GNAI1: variants seen among roughly 807,000 people sequenced by gnomAD.
GNAI1 encodes the protein guanine nucleotide-binding protein G(i) subunit alpha-1.
Under a neutral mutation model 38.9 loss-of-function variants are expected in GNAI1, and 11 were observed. The ratio of observed to expected loss-of-function variants is 0.28; its 90% CI spans 0.18 to 0.47. The LOEUF is 0.47. GNAI1 is among the 20% of genes least tolerant of loss of function. GNAI1 has a pLI of 0.99. For missense variants in GNAI1, 317 were observed against 436.9 expected (o/e 0.73, Z 2.45); for synonymous variants, 166 against 145.1 (o/e 1.14, Z -1.04).
chr7:80,164,400 T>C (rs1787979153), intron 1 of GNAI1, among the ~76,000 whole-genome samples: 1 of 149,312 alleles, frequency 6.7e-6, no homozygotes, highest in African/African-American at 2.5e-5. Flanking sequence ...TCTTGCTCTG[T>C]CGCCCAGGCT....
At chr7:80,158,593 T>C (rs1481428659) in intron 1 of GNAI1, among the ~76,000 whole-genome samples, 4 of 152,178 alleles carry the variant, frequency 2.6e-5, no homozygotes, top group Non-Finnish European at 5.9e-5. Context: ...GTGAAGGATG[T>C]GTTTGCCTCT....
intron 1 of GNAI1, among the ~76,000 whole-genome samples, chr7:80,178,163 G>A (rs911382704): frequency 6.6e-6 from 1 of 152,186 alleles, no homozygotes; most frequent in Non-Finnish European, 1.5e-5. Flanking sequence ...AGATGTGAAT[G>A]CAATATCATG....
At position 80,213,280 on chromosome 7, in the gene GNAI1, A is replaced by G. The variant is rs921886928; in HGVS notation, c.874+411A>G. 2.0e-5 allele frequency among the ~76,000 whole-genome samples: 3 copies of G among 152,312 alleles called. No homozygotes were observed. The East Asian group carries it at 5.8e-4, about 29-fold the overall frequency. ...TGCTAAAATAAGGAACATGAACATTATAGTAAGGGGAAATGAAGACAGGAT... is the reference window on the plus strand; with the variant it reads ...TGCTAAAATAAGGAACATGAACATTGTAGTAAGGGGAAATGAAGACAGGAT... On this transcript the variant is annotated intron_variant, in intron 7 of 7. Transcript: ENST00000649796.
chr7:80,195,739 C>A lies in GNAI1; in HGVS notation c.304-3486C>A, dbSNP rs758320470. Reference sequence around the variant, plus strand: ...ATCTTTTTAAATTTAAACTCTTAATCTCATACATAAATTCTATCTGCTGTA... The same window carrying A: ...ATCTTTTTAAATTTAAACTCTTAATATCATACATAAATTCTATCTGCTGTA... On this transcript the variant is annotated intron_variant, in intron 3 of 7. Transcript: ENST00000649796. 2.8e-4 allele frequency among the ~76,000 whole-genome samples: 42 copies of A among 152,124 alleles called. 1 individual carries two copies. Among genetic ancestry groups the A allele is most frequent in the Middle Eastern group, 3.4e-3 (1 of 294 alleles).
intron 1 of GNAI1, among the ~76,000 whole-genome samples, chr7:80,164,403 C>A (rs1236840058): frequency 2.0e-5 from 3 of 148,018 alleles, no homozygotes; most frequent in Non-Finnish European, 4.5e-5. Flanking sequence ...TGCTCTGTCG[C>A]CCAGGCTGGA....
Position 80,217,690 on chromosome 7 carries a change from C to T in GNAI1, c.*197C>T. ...TTCTTAAATGTGACAGATGGTCCTG[C>T]AGTGTGAAACTGAAGGACAGTGTTA... On this transcript the variant is annotated 3_prime_UTR_variant, in exon 8 of 8. Coordinates refer to ENST00000649796, the MANE Select transcript of GNAI1 (RefSeq NM_002069.6). 2.7e-6 allele frequency: 1 copy of T among 374,638 alleles called. No homozygotes were observed. Among genetic ancestry groups the T allele is most frequent in the Non-Finnish European group, 4.8e-6 (1 of 209,296 alleles). 23.2% of individuals were successfully genotyped at this position (374,638 alleles called of 1,614,324 possible).
At chr7:80,135,813 A>G (rs1787403792) in intron 1 of GNAI1, 2 of 985,014 alleles carry the variant, frequency 2.0e-6, no homozygotes, top group South Asian at 9.4e-5. Context: ...TTTCCTGTTA[A>G]CTTCCTATGG....
chr7:80,199,461 T>C (rs1467717273), intron 4 of GNAI1, 79 bp downstream of exon 4: 4 of 1,085,834 alleles, frequency 3.7e-6, no homozygotes, highest in Non-Finnish European at 5.3e-6. Context: ...TCAATTTTAC[T>C]GCAGAATTGG....
At chr7:80,212,487 A>G (rs1163430696) in intron 6 of GNAI1, among the ~76,000 whole-genome samples, 1 of 152,218 alleles carries the variant, frequency 6.6e-6, no homozygotes, top group Admixed American at 6.5e-5. Context: ...AGCATGACAT[A>G]TAGTGGGCAC....
intron 1 of GNAI1, among the ~76,000 whole-genome samples, chr7:80,157,822 T>G (rs1787845757): frequency 6.6e-6 from 1 of 152,140 alleles, no homozygotes; most frequent in African/African-American, 2.4e-5. Context: ...TTCTCCTGCC[T>G]CAGGCTCCCA....
chr7:80,185,438 T>A (rs959951226), intron 1 of GNAI1, among the ~76,000 whole-genome samples: 2 of 152,152 alleles, frequency 1.3e-5, no homozygotes, highest in Admixed American at 1.3e-4. Flanking sequence ...CCATCCAGTT[T>A]AAAGACCCTC....
intron 1 of GNAI1, among the ~76,000 whole-genome samples, chr7:80,171,324 C>G (rs1788094659): frequency 6.6e-6 from 1 of 152,098 alleles, no homozygotes. Context: ...CTTTAGGTCT[C>G]TGTGTGTCAA....
intron 1 of GNAI1, among the ~76,000 whole-genome samples, chr7:80,145,166 T>G (rs2116082781): frequency 6.6e-6 from 1 of 152,324 alleles, no homozygotes; most frequent in Non-Finnish European, 1.5e-5. Context: ...ACCCCTTAAG[T>G]AATTTTTAAT....
chr7:80,198,802 C>G (rs575939226), intron 3 of GNAI1, among the ~76,000 whole-genome samples: 1 of 152,154 alleles, frequency 6.6e-6, no homozygotes, highest in Non-Finnish European at 1.5e-5. Flanking sequence ...TAATTCAATT[C>G]TATCTCTAAT....
chr7:80,200,908 C>T (rs558510885), intron 4 of GNAI1, among the ~76,000 whole-genome samples: 25 of 152,088 alleles, frequency 1.6e-4, no homozygotes, highest in Non-Finnish European at 3.2e-4. Flanking sequence ...TTGGTCCTTG[C>T]GCTCCAGTTT....
chr7:80,139,993 T>C (rs10269179), intron 1 of GNAI1, among the ~76,000 whole-genome samples: 21 of 145,876 alleles, frequency 1.4e-4, no homozygotes, highest in Admixed American at 2.8e-4. Flanking sequence ...TTTTTTTTTT[T>C]CCTTTTTTTT....
intron 3 of GNAI1, among the ~76,000 whole-genome samples, chr7:80,193,414 A>C (rs1234608292): frequency 6.6e-6 from 1 of 152,224 alleles, no homozygotes; most frequent in African/African-American, 2.4e-5. Context: ...GTTATTTAAA[A>C]TGAGAAGAAA....
At chr7:80,153,680 T>C (rs1787767071) in intron 1 of GNAI1, among the ~76,000 whole-genome samples, 1 of 152,158 alleles carries the variant, frequency 6.6e-6, no homozygotes, top group Admixed American at 6.6e-5. Context: ...CCTGAGGTCA[T>C]CAAGAAGGTT....
intron 1 of GNAI1, among the ~76,000 whole-genome samples, chr7:80,176,482 A>C (rs1437959752): frequency 1.3e-5 from 2 of 152,250 alleles, no homozygotes; most frequent in Non-Finnish European, 2.9e-5. Context: ...ATTTGAAGAA[A>C]GTCTCATCTA....
Sources: gnomAD v4.1 joint callset for allele counts (sites outside exome capture counted in the v4.1 genomes callset) on GRCh38, gnomAD v4.1.1 for gene constraint, MANE v1.5 for transcripts, NCBI Gene and HGNC (gene_info 2026-07-23, HGNC 2026-07-21) for gene names.